The following CALCR variants were observed in gnomAD, a reference collection of about 807,000 sequenced individuals.
CALCR encodes the protein calcitonin receptor.
In CALCR, 47 loss-of-function variants were observed where a neutral mutation model predicts 59.5. That is an observed-to-expected ratio of 0.79 (90% CI 0.63 to 1.01). The LOEUF (loss-of-function observed/expected upper bound fraction) is 1.01, where lower values mean the gene tolerates loss of function less well. Ranked by LOEUF, CALCR falls within the 50% of genes least tolerant of loss-of-function variation. The pLI, the probability that CALCR is intolerant of heterozygous loss-of-function variation, is 0.00. For missense variants in CALCR, 566 were observed against 597.1 expected (o/e 0.95, Z 0.54); for synonymous variants, 213 against 211.3 (o/e 1.01, Z -0.07).
At chr7:93,548,870 G>GTGTGTGTC (rs2116218741) in intron 2 of CALCR, among the ~76,000 whole-genome samples, 1 of 80,526 alleles carries the variant, frequency 1.2e-5, no homozygotes, top group Admixed American at 1.2e-4. Context: ...GTGTGTGTGT[G>GTGTGTGTC]TGTGTGTGTC....
At chr7:93,501,321 A>T (rs1182548982) in intron 2 of CALCR, among the ~76,000 whole-genome samples, 1 of 152,094 alleles carries the variant, frequency 6.6e-6, no homozygotes, top group Non-Finnish European at 1.5e-5. Context: ...AGAAACTTGC[A>T]TATGACTCAC....
chr7:93,436,437 T>C (rs1252476657), intron 11 of CALCR, among the ~76,000 whole-genome samples: 1 of 152,224 alleles, frequency 6.6e-6, no homozygotes, highest in African/African-American at 2.4e-5. Flanking sequence ...CTTTTTAATA[T>C]GAGCCTTTCT....
chr7:93,510,907 G>A (rs1279431522), intron 2 of CALCR, among the ~76,000 whole-genome samples: 2 of 151,910 alleles, frequency 1.3e-5, no homozygotes, highest in Admixed American at 6.6e-5. Flanking sequence ...TTATTTAGGA[G>A]AGTGATGAGA....
At chr7:93,548,788 G>A (rs1327614269) in intron 2 of CALCR, among the ~76,000 whole-genome samples, 2 of 150,308 alleles carry the variant, frequency 1.3e-5, no homozygotes, top group East Asian at 3.9e-4. Flanking sequence ...TAGTTATGTT[G>A]TCTTGGCCAA....
chr7:93,455,703 TC>T (rs1275361886), intron 8 of CALCR, among the ~76,000 whole-genome samples: 3 of 152,040 alleles, frequency 2.0e-5, no homozygotes, highest in South Asian at 2.1e-4. Context: ...TTCTTGTTTA[TC>T]CCCTTCATAA....
intron 2 of CALCR, among the ~76,000 whole-genome samples, chr7:93,542,278 G>A (rs1789164709): frequency 1.3e-5 from 2 of 152,304 alleles, no homozygotes; most frequent in Admixed American, 1.3e-4. Context: ...AACCTATACA[G>A]CATGTTACTG....
intron 2 of CALCR, among the ~76,000 whole-genome samples, chr7:93,507,029 G>C (rs1414475847): frequency 6.6e-6 from 1 of 152,136 alleles, no homozygotes; most frequent in Non-Finnish European, 1.5e-5. Flanking sequence ...GGCCTCCCCA[G>C]CCATGTGGAA....
chr7:93,539,498 GT>G (rs1381335258), intron 2 of CALCR, among the ~76,000 whole-genome samples: 1 of 151,932 alleles, frequency 6.6e-6, no homozygotes, highest in Non-Finnish European at 1.5e-5. Flanking sequence ...ACAAGGAAGT[GT>G]TCCTCTGAAA....
chr7:93,451,592 A>T (rs1314864835), intron 8 of CALCR, among the ~76,000 whole-genome samples: 12 of 151,984 alleles, frequency 7.9e-5, no homozygotes, highest in Non-Finnish European at 1.6e-4. Context: ...ACAAACAAAA[A>T]AATGATGGAA....
chr7:93,548,839 AGTGTGTGT>A (rs754317267), intron 2 of CALCR, among the ~76,000 whole-genome samples: 3,003 of 137,408 alleles, frequency 0.022, 98 homozygotes, highest in African/African-American at 0.071. Flanking sequence ...ATCCAGAAGA[AGTGTGTGT>A]GTGTGTGTGT....
At chr7:93,490,682 A>G (rs2115952350) in intron 2 of CALCR, among the ~76,000 whole-genome samples, 1 of 152,084 alleles carries the variant, frequency 6.6e-6, no homozygotes, top group East Asian at 1.9e-4. Flanking sequence ...TAAAATACCC[A>G]GGAATACAGC....
chr7:93,571,992 T>C (rs1790015701), intron 2 of CALCR, among the ~76,000 whole-genome samples: 1 of 152,188 alleles, frequency 6.6e-6, no homozygotes, highest in African/African-American at 2.4e-5. Flanking sequence ...GATGAAATTG[T>C]ATGTTTCATC....
chr7:93,573,076 C>G (rs1790042114), intron 2 of CALCR, among the ~76,000 whole-genome samples: 1 of 152,136 alleles, frequency 6.6e-6, no homozygotes, highest in Non-Finnish European at 1.5e-5. Flanking sequence ...TTTTACAAAT[C>G]TAATCATCTT....
At chr7:93,511,495 C>T (rs747712579) in intron 2 of CALCR, among the ~76,000 whole-genome samples, 3 of 151,882 alleles carry the variant, frequency 2.0e-5, no homozygotes, top group Non-Finnish European at 4.4e-5. Flanking sequence ...TTATAATAAT[C>T]ACTTTATCAA....
At chr7:93,532,305 G>A (rs1426919713) in intron 2 of CALCR, among the ~76,000 whole-genome samples, 1 of 152,042 alleles carries the variant, frequency 6.6e-6, no homozygotes, top group Non-Finnish European at 1.5e-5. Flanking sequence ...CTCCAAGAGT[G>A]TAACAGTGCT....
chr7:93,433,034 G>A (rs1799690732), intron 13 of CALCR, among the ~76,000 whole-genome samples: 1 of 152,092 alleles, frequency 6.6e-6, no homozygotes, highest in South Asian at 2.1e-4. Context: ...GTTGAATGAA[G>A]GAATGAGTTG....
intron 2 of CALCR, among the ~76,000 whole-genome samples, chr7:93,512,981 G>T (rs1801578032): frequency 6.6e-6 from 1 of 152,124 alleles, no homozygotes; most frequent in Non-Finnish European, 1.5e-5. Flanking sequence ...TAACAAAACA[G>T]AATATTTAAG....
chr7:93,485,149 T>G (rs1048184889), intron 3 of CALCR, among the ~76,000 whole-genome samples: 5 of 151,734 alleles, frequency 3.3e-5, no homozygotes, highest in African/African-American at 1.2e-4. Context: ...TTTTGTTTTA[T>G]GGACAAATCC....
chr7:93,521,331 T>C (rs1801759784), intron 2 of CALCR, among the ~76,000 whole-genome samples: 1 of 152,138 alleles, frequency 6.6e-6, no homozygotes, highest in African/African-American at 2.4e-5. Flanking sequence ...TAGCAGCAGT[T>C]GGCCACCTCT....
Sources: allele counts gnomAD v4.1 joint callset (sites outside exome capture counted in the v4.1 genomes callset), GRCh38; gene constraint gnomAD v4.1.1; transcripts MANE v1.5; gene names NCBI Gene and HGNC (gene_info 2026-07-23, HGNC 2026-07-21).